PER3: variants seen among roughly 807,000 people sequenced by gnomAD.
PER3 encodes period circadian regulator 3.
A neutral mutation model predicts 127.2 loss-of-function variants in PER3; 107 were observed. That is an observed-to-expected ratio of 0.84 (90% CI 0.72 to 0.99). The LOEUF (loss-of-function observed/expected upper bound fraction) is 0.99, where lower values mean the gene tolerates loss of function less well. PER3 is among the 50% of genes least tolerant of loss of function. PER3 has a pLI of 0.00. For synonymous variants in PER3, 618 were observed against 585.8 expected (o/e 1.05, Z -0.79); for missense variants, 1,560 against 1,525.8 (o/e 1.02, Z -0.37).
rs1428918836 is a variant in PER3 at position 7,843,242 on chromosome 1, TC to T, written c.*489del. On this transcript the variant is annotated 3_prime_UTR_variant, in exon 22 of 22. Coordinates refer to ENST00000377532, the MANE Select transcript of PER3 (RefSeq NM_001377275.1). ...GGCTTCATTCAACCTGGCGTTCCCC[TC>T]CATAATTAAGATGAAACATTCCGGT... is the stretch of plus-strand genomic sequence containing the variant. 3.9e-5 allele frequency: 6 copies of T among 153,008 alleles called. No homozygotes were observed. The highest frequency in any genetic ancestry group is 1.4e-4 in the African/African-American group (6 of 41,446). The allele number at this position is 153,008 out of a possible 1,614,324, so 9.5% of individuals were successfully genotyped here.
chr1:7,789,727 A>G lies in PER3; in HGVS notation c.592+1481A>G, dbSNP rs1049616601. Among the ~76,000 whole-genome samples, 4 of 152,200 alleles carry G rather than the reference A, an allele frequency of 2.6e-5. No individual in the cohort carries two copies. The East Asian group carries it at 7.7e-4, about 29-fold the overall frequency. On this transcript the variant is annotated intron_variant, in intron 5 of 21. Coordinates refer to ENST00000377532, the MANE Select transcript of PER3 (RefSeq NM_001377275.1). Reference sequence around the variant, plus strand: ...ATCTGAAATTCTATCTACTATTTCTAATTTTTTACCCAGTAGTTAATTTAA... The same window carrying G: ...ATCTGAAATTCTATCTACTATTTCTGATTTTTTACCCAGTAGTTAATTTAA...
chr1:7,837,135 G>C lies in PER3; in HGVS notation c.3535G>C (p.Glu1179Gln), dbSNP rs2097362450. The change falls in exon 21 of 22, where the codon GAA (glutamate) becomes CAA (glutamine). Residue 1179 changes from glutamate (E) to glutamine (Q), a missense_variant. Around this residue, in one of 3 missense-constraint regions of PER3, gnomAD observed 199 missense variants for 198.6 expected, o/e 1.00. Transcript: ENST00000377532. ...GATTCAAAGCCAGACTGTCACTCAA[G>C]AAATCGACATTCAAGTAAGCACAGT... ...NWIQSQTVTQEIDIQACVTCE... is the reference protein window; with the variant it reads ...NWIQSQTVTQQIDIQACVTCE... 30 of 1,613,176 alleles carry C rather than the reference G, an allele frequency of 1.9e-5. No homozygotes were observed. The highest frequency in any genetic ancestry group is 2.4e-5 in the Non-Finnish European group (28 of 1,179,762).
At chr1:7,787,779 G>A in intron 4 of PER3, 2 of 467,088 alleles carry the variant, frequency 4.3e-6, no homozygotes, top group Non-Finnish European at 7.8e-6. Flanking sequence ...GAAGTTATGT[G>A]CCATACGTAT....
intron 19 of PER3, among the ~76,000 whole-genome samples, chr1:7,831,789 A>G (rs555560394): frequency 6.6e-6 from 1 of 152,306 alleles, no homozygotes; most frequent in East Asian, 1.9e-4. Flanking sequence ...TTATCTTCCT[A>G]ATATTTTGTT....
chr1:7,800,841 A>AAAG (rs1553306864), intron 7 of PER3, among the ~76,000 whole-genome samples: 4 of 148,754 alleles, frequency 2.7e-5, no homozygotes, highest in Admixed American at 6.7e-5. Flanking sequence ...AAAAAAAAAA[A>AAAG]AGAGAGAAAA....
chr1:7,821,909 C>T (rs988126331), intron 16 of PER3, among the ~76,000 whole-genome samples: 3 of 152,188 alleles, frequency 2.0e-5, no homozygotes, highest in Non-Finnish European at 2.9e-5. Context: ...TGTCTAAGGA[C>T]GATGGTCACA....
intron 19 of PER3, among the ~76,000 whole-genome samples, chr1:7,834,679 A>C (rs2097349338): frequency 1.3e-5 from 2 of 151,968 alleles, no homozygotes; most frequent in Non-Finnish European, 2.9e-5. Context: ...GCTGGTTTCA[A>C]ACTCCTGGCC....
At chr1:7,828,812 A>G (rs761186610) in intron 18 of PER3, among the ~76,000 whole-genome samples, 40 of 152,216 alleles carry the variant, frequency 2.6e-4, no homozygotes, top group Non-Finnish European at 5.3e-4. Flanking sequence ...ATGTATTTAT[A>G]TAGTACTTCT....
chr1:7,796,735 C>A (rs2097147444), intron 6 of PER3, among the ~76,000 whole-genome samples: 1 of 152,108 alleles, frequency 6.6e-6, no homozygotes, highest in African/African-American at 2.4e-5. Context: ...GGCTATAGGC[C>A]AGCGTTCCGG....
chr1:7,816,791 C>A (rs755234451), intron 13 of PER3, among the ~76,000 whole-genome samples: 16 of 152,184 alleles, frequency 1.1e-4, no homozygotes, highest in Non-Finnish European at 2.1e-4. Context: ...CATACTCTTA[C>A]CATGTAACTT....
chr1:7,829,966 A>G lies in PER3; in HGVS notation c.3019A>G (p.Lys1007Glu), dbSNP rs199947375. The change falls in exon 19 of 22, where the codon AAG (lysine) becomes GAG (glutamate). Residue 1007 changes from lysine (K) to glutamate (E), a missense_variant. Physicochemically the swap from Lys to Glu is moderately conservative, Grantham distance 56 (BLOSUM62 1). Coordinates refer to ENST00000377532, the MANE Select transcript of PER3 (RefSeq NM_001377275.1). Reference sequence around the variant, plus strand: ...TCTGTCCACAGGATCGCCTCCCATGAAGAATCCATCCCATCCTACTGCCAG... The same window carrying G: ...TCTGTCCACAGGATCGCCTCCCATGGAGAATCCATCCCATCCTACTGCCAG... ...SALSTGSPPMKNPSHPTASAL... is the reference protein window; with the variant it reads ...SALSTGSPPMENPSHPTASAL... The G allele has an allele frequency of 1.6e-5, 16 of 985,630 alleles. No homozygotes were observed. Among genetic ancestry groups the G allele is most frequent in the Middle Eastern group, 2.7e-4 (1 of 3,714 alleles). 61.1% of individuals were successfully genotyped at this position (985,630 alleles called of 1,614,324 possible).
chr1:7,842,432 G>A (rs748456603), intron 21 of PER3, among the ~76,000 whole-genome samples: 12 of 151,904 alleles, frequency 7.9e-5, no homozygotes, highest in African/African-American at 1.7e-4. Context: ...CCTGGGAGGC[G>A]GAGGTTGCAG....
chr1:7,837,259 T>C, intron 21 of PER3, 110 bp downstream of exon 21: 1 of 794,172 alleles, frequency 1.3e-6, no homozygotes, highest in Non-Finnish European at 2.0e-6. Flanking sequence ...ATCCTCACAG[T>C]TTACCTCTAT....
At position 7,837,065 on chromosome 1, in the gene PER3, G is replaced by T. The variant is rs2097362099; in HGVS notation, c.3465G>T (p.Gln1155His). The T allele has an allele frequency of 1.2e-6, 2 of 1,613,992 alleles. No homozygotes were observed. The highest frequency in any genetic ancestry group is 2.2e-5 in the East Asian group (1 of 44,874). Reference sequence around the variant, plus strand: ...AAAGTATGAGGCAGCAGCAGCCCCAGTTTTCTCATGGGCAAAAGGAGGAGC... The same window carrying T: ...AAAGTATGAGGCAGCAGCAGCCCCATTTTTCTCATGGGCAAAAGGAGGAGC... ...KLESMRQQQP[Q>H]FSHGQKEELA... The change falls in exon 21 of 22, where the codon CAG (glutamine) becomes CAT (histidine). Residue 1155 changes from glutamine (Q) to histidine (H), a missense_variant. Coordinates refer to ENST00000377532, the MANE Select transcript of PER3 (RefSeq NM_001377275.1).
rs755817241 is a variant in PER3, at chr1:7,785,569, G to A, written c.257G>A (p.Cys86Tyr). ...TLDALNYALR[C>Y]VHSVQANSEF... ...GATGCCCTCAACTATGCTCTCCGCT[G>A]TGTCCACAGCGTTCAAGGTAAACAA... The change falls in exon 3 of 22, where the codon TGT becomes TAT. Residue 86 changes from cysteine to tyrosine, a missense_variant. By Grantham distance (194) the Cys-to-Tyr change is radical. This residue lies in a region of PER3 where 1,332 missense variants were observed against 1,223.6 expected (regional missense o/e 1.09). Transcript: ENST00000377532. 1.2e-6 allele frequency: 2 copies of A among 1,613,722 alleles called. No individual in the cohort carries two copies. Among genetic ancestry groups the A allele is most frequent in the South Asian group, 2.2e-5 (2 of 91,046 alleles).
chr1:7,822,810 G>A (rs2097283510), intron 16 of PER3, among the ~76,000 whole-genome samples: 1 of 152,130 alleles, frequency 6.6e-6, no homozygotes. Flanking sequence ...TGTAACCCCA[G>A]GGACTCAGGA....
chr1:7,807,647 G>T (rs977316755), intron 10 of PER3, among the ~76,000 whole-genome samples: 3 of 152,094 alleles, frequency 2.0e-5, no homozygotes, highest in African/African-American at 7.2e-5. Flanking sequence ...TTTGTGTATC[G>T]GGGATAATTC....
At chr1:7,821,504 G>C (rs1173805862) in intron 16 of PER3, among the ~76,000 whole-genome samples, 1 of 152,206 alleles carries the variant, frequency 6.6e-6, no homozygotes, top group Non-Finnish European at 1.5e-5. Flanking sequence ...CTCCACAGAG[G>C]AGCATATGCA....
chr1:7,785,172 A>G (rs1177909808), intron 2 of PER3, among the ~76,000 whole-genome samples, 167 bp downstream of exon 2: 1 of 152,234 alleles, frequency 6.6e-6, no homozygotes, highest in Non-Finnish European at 1.5e-5. Context: ...ACTGAAGAAA[A>G]TTACCGAAGA....
Sources: allele counts gnomAD v4.1 joint callset (sites outside exome capture counted in the v4.1 genomes callset), GRCh38; gene constraint gnomAD v4.1.1; regional missense constraint gnomAD v4.1.1; transcripts MANE v1.5; gene names NCBI Gene and HGNC (gene_info 2026-07-23, HGNC 2026-07-21).